Variants in HRH1 observed in about 807,000 individuals in gnomAD.
HRH1 encodes histamine receptor H1.
HRH1 carries 6 observed loss-of-function variants against 10.3 expected under a neutral mutation model. The observed-to-expected ratio is 0.58, with a 90% CI of 0.32 to 1.15. The LOEUF (loss-of-function observed/expected upper bound fraction) is 1.15, where lower values mean the gene tolerates loss of function less well. Among genes scored for constraint, HRH1 ranks in the 50% most tolerant of loss-of-function variants. The pLI is 0.05. For synonymous variants in HRH1, 242 were observed against 236.7 expected (o/e 1.02, Z -0.21); for missense variants, 514 against 615.3 (o/e 0.84, Z 1.74).
At position 11,263,511 on chromosome 3, in the gene HRH1, A is replaced by C. The variant is rs1054436745; in HGVS notation, c.*3010A>C. ...AGACAAGCCTGGGCACCATGGTGAA[A>C]TCCTGTCTCTACTAAAAATAAAAAA... On this transcript the variant is annotated 3_prime_UTR_variant, in exon 2 of 2. Coordinates refer to ENST00000431010, the MANE Select transcript of HRH1 (RefSeq NM_001098212.2). The C allele has an allele frequency of 6.3e-6, 1 of 159,560 alleles. No individual in the cohort carries two copies. Among genetic ancestry groups the C allele is most frequent in the African/African-American group, 2.4e-5 (1 of 41,416 alleles). 9.9% of individuals were successfully genotyped at this position (159,560 alleles called of 1,614,324 possible). A position where few individuals can be genotyped will look rare whatever the true frequency, so the allele number is the denominator to read the frequency against.
chr3:11,222,727 G>A (rs1559277183), intron 1 of HRH1, among the ~76,000 whole-genome samples: 1 of 151,970 alleles, frequency 6.6e-6, no homozygotes, highest in South Asian at 2.1e-4. Context: ...CTAGACCCAG[G>A]GGGCGTTTAG....
chr3:11,189,502 C>G (rs1937506961), intron 1 of HRH1, among the ~76,000 whole-genome samples: 1 of 152,170 alleles, frequency 6.6e-6, no homozygotes, highest in African/African-American at 2.4e-5. Context: ...GTGGATGTAA[C>G]AAGTTTCGCA....
At chr3:11,250,237 T>G (rs554343729) in intron 1 of HRH1, among the ~76,000 whole-genome samples, 9 of 147,758 alleles carry the variant, frequency 6.1e-5, no homozygotes, top group African/African-American at 2.3e-4. Flanking sequence ...TTTTTTGTAT[T>G]TTTAGTGGAG....
In HRH1 at chr3:11,163,131, G is replaced by T. The variant is rs537690296; in HGVS notation, c.-36+8577G>T. Among the ~76,000 whole-genome samples, 4 of 152,190 alleles carry T rather than the reference G, an allele frequency of 2.6e-5. No homozygotes were observed. The East Asian group carries it at 7.7e-4, about 29-fold the overall frequency. On this transcript the variant is annotated intron_variant, in intron 1 of 1. Transcript: ENST00000431010. ...GATCACCTTAGAGGTGGTCACTGCTGCATCCTGCTGCACCGCGTGTTTCCC... is the reference window on the plus strand; with the variant it reads ...GATCACCTTAGAGGTGGTCACTGCTTCATCCTGCTGCACCGCGTGTTTCCC...
At chr3:11,211,325 G>C (rs1392501517) in intron 1 of HRH1, among the ~76,000 whole-genome samples, 1 of 152,198 alleles carries the variant, frequency 6.6e-6, no homozygotes, top group Non-Finnish European at 1.5e-5. Flanking sequence ...TGTAATTCAT[G>C]AGGAAGGGGT....
chr3:11,169,777 A>G (rs1937117361), intron 1 of HRH1, among the ~76,000 whole-genome samples: 1 of 152,200 alleles, frequency 6.6e-6, no homozygotes, highest in African/African-American at 2.4e-5. Context: ...TTGTGATTCA[A>G]TATCCACGTG....
chr3:11,188,615 C>T (rs896379421), intron 1 of HRH1, among the ~76,000 whole-genome samples: 2 of 152,114 alleles, frequency 1.3e-5, no homozygotes, highest in Non-Finnish European at 2.9e-5. Flanking sequence ...ACGTGCATTA[C>T]AATTCTATTT....
chr3:11,232,023 C>T (rs928069066), intron 1 of HRH1, among the ~76,000 whole-genome samples: 1 of 149,674 alleles, frequency 6.7e-6, no homozygotes, highest in African/African-American at 2.5e-5. Flanking sequence ...GACTGAGTCT[C>T]GCTCTGTCAC....
chr3:11,150,500 A>G (rs1440055227), upstream of HRH1, among the ~76,000 whole-genome samples: 1 of 152,386 alleles, frequency 6.6e-6, no homozygotes, highest in African/African-American at 2.4e-5. Flanking sequence ...CTGCCCGGAC[A>G]TCTCCGTCCA....
At chr3:11,151,995 T>G (rs1936640185), upstream of HRH1, among the ~76,000 whole-genome samples, 1 of 152,200 alleles carries the variant, frequency 6.6e-6, no homozygotes, top group African/African-American at 2.4e-5. Context: ...TTTTTTCTGC[T>G]TCTTCCACAA....
At chr3:11,199,259 G>T (rs1937803375) in intron 1 of HRH1, among the ~76,000 whole-genome samples, 1 of 152,126 alleles carries the variant, frequency 6.6e-6, no homozygotes, top group African/African-American at 2.4e-5. Context: ...TAAGCAGCTT[G>T]CCTGTGGTTG....
intron 1 of HRH1, among the ~76,000 whole-genome samples, chr3:11,210,371 G>C (rs908102574): frequency 4.6e-5 from 7 of 152,088 alleles, no homozygotes; most frequent in African/African-American, 1.7e-4. Flanking sequence ...TCCAGCCTGG[G>C]TGACAAAACG....
Position 11,252,175 on chromosome 3 carries a change from A to G in HRH1, c.-35-6828A>G, listed in dbSNP as rs538114558. On this transcript the variant is annotated intron_variant, in intron 1 of 1. Coordinates refer to ENST00000431010, the MANE Select transcript of HRH1 (RefSeq NM_001098212.2). ...TGTATGAGAGTTCTGTTTCTAGGGC[A>G]TAAGAGTCTATCCATAGACGGCAGT... 9.2e-5 allele frequency among the ~76,000 whole-genome samples: 14 copies of G among 152,324 alleles called. No homozygotes were observed. The South Asian group carries it at 1.7e-3, about 18-fold the overall frequency.
intron 1 of HRH1, among the ~76,000 whole-genome samples, chr3:11,145,901 G>T (rs1387454385): frequency 1.3e-5 from 2 of 152,192 alleles, no homozygotes; most frequent in African/African-American, 2.4e-5. Flanking sequence ...GTTGTAGGCA[G>T]TAATAGTTCA....
intron 1 of HRH1, among the ~76,000 whole-genome samples, chr3:11,177,759 A>G (rs548600864): frequency 1.3e-5 from 2 of 152,328 alleles, no homozygotes. Flanking sequence ...GTTTGATGGA[A>G]TGAATTCACT....
intron 1 of HRH1, among the ~76,000 whole-genome samples, chr3:11,143,794 A>G (rs1385965886): frequency 1.3e-5 from 2 of 152,062 alleles, no homozygotes; most frequent in Non-Finnish European, 2.9e-5. Flanking sequence ...CCTGCCTCCA[A>G]GGGTTTGCTC....
At chr3:11,195,718 G>A (rs1191632448) in intron 1 of HRH1, among the ~76,000 whole-genome samples, 1 of 152,152 alleles carries the variant, frequency 6.6e-6, no homozygotes. Flanking sequence ...GCTCCTCATA[G>A]GGATACAAAG....
rs187255766 is a variant in HRH1 at position 11,185,423 on chromosome 3, A to C, written c.-36+30869A>C. ...ACTTTGTCTACCCATTAAATGTGGC[A>C]CTGCAGGGTAATTATTTATTTGGTC... On this transcript the variant is annotated intron_variant, in intron 1 of 1. Transcript: ENST00000431010. Among the ~76,000 whole-genome samples, 858 of 152,244 alleles carry C rather than the reference A, an allele frequency of 5.6e-3. 8 individuals are homozygous for C. The highest frequency in any genetic ancestry group is 0.014 in the Admixed American group (220 of 15,296).
intron 1 of HRH1, among the ~76,000 whole-genome samples, chr3:11,184,198 C>A (rs564404603): frequency 7.9e-5 from 12 of 152,124 alleles, no homozygotes; most frequent in South Asian, 2.1e-4. Context: ...CAAATCATTA[C>A]GTAAAACTTA....
Sources: allele counts gnomAD v4.1 joint callset (sites outside exome capture counted in the v4.1 genomes callset), GRCh38; gene constraint gnomAD v4.1.1; transcripts MANE v1.5; gene names NCBI Gene and HGNC (gene_info 2026-07-23, HGNC 2026-07-21).